Variants in CIAO3 observed in about 807,000 individuals in gnomAD.
CIAO3 encodes the protein cytosolic iron-sulfur assembly component 3.
In CIAO3, 45 loss-of-function variants were observed where a neutral mutation model predicts 51.5. That is an observed-to-expected ratio of 0.87 (90% CI 0.69 to 1.12). CIAO3 has a LOEUF of 1.12. Among genes scored for constraint, CIAO3 ranks in the 50% most tolerant of loss-of-function variants. The pLI is 0.00. For missense variants in CIAO3, 668 were observed against 632.5 expected (o/e 1.06, Z -0.60); for synonymous variants, 314 against 269.3 (o/e 1.17, Z -1.63).
intron 5 of CIAO3, 95 bp downstream of exon 5, chr16:734,642 C>T: frequency 1.9e-6 from 3 of 1,600,936 alleles, no homozygotes; most frequent in Non-Finnish European, 8.5e-7. Flanking sequence ...GCGTCTCCAC[C>T]CCCCATGCCC....
At chr16:732,515 A>G in intron 7 of CIAO3, 142 bp from the exon 8 acceptor site, 1 of 947,750 alleles carries the variant, frequency 1.1e-6, no homozygotes, top group Non-Finnish European at 1.6e-6. Flanking sequence ...CGTGGTGGGG[A>G]GGCCAGGCCC....
chr16:732,981 C>G, intron 7 of CIAO3: 2 of 365,038 alleles, frequency 5.5e-6, no homozygotes. Flanking sequence ...TGGGGCTGCT[C>G]GACTCAGGAA....
In CIAO3 at chr16:736,305, C is replaced by CT. The variant is rs749635739; in HGVS notation, c.399dup (p.Asp134ArgfsTer11). On this transcript the variant is annotated frameshift_variant, in exon 4 of 11. Coordinates refer to ENST00000251588, the MANE Select transcript of CIAO3 (RefSeq NM_022493.3). LOFTEE classifies it high-confidence loss of function. ...AATGAGGTTAATTTCCTGGCAGTATCTGTAGGATTCAGCTGAAACCGTGCA... is the reference window on the plus strand; with the variant it reads ...AATGAGGTTAATTTCCTGGCAGTATCTTGTAGGATTCAGCTGAAACCGTGCA... The CT allele has an allele frequency of 6.2e-7, 1 of 1,613,054 alleles. No individual in the cohort carries two copies. The highest frequency in any genetic ancestry group is 8.5e-7 in the Non-Finnish European group (1 of 1,179,822).
Position 730,848 on chromosome 16 carries a change from G to A in CIAO3, c.1187C>T (p.Pro396Leu), listed in dbSNP as rs2041270292. ...PYHYVEVMAC[P>L]SGCLNGGGQL... ...CTGTCCCTTGCAGGAGCTACCTGAG[G>A]GGCAGGCCATGACCTCCACGTAGTG... The change falls in exon 10 of 11, where the codon CCC (proline) becomes CTC (leucine). Residue 396 changes from proline (P) to leucine (L), a missense_variant. By Grantham distance (98) the Pro-to-Leu change is moderately conservative. Coordinates refer to ENST00000251588, the MANE Select transcript of CIAO3 (RefSeq NM_022493.3). 6.2e-7 allele frequency: 1 copy of A among 1,612,666 alleles called. No homozygotes were observed. Among genetic ancestry groups the A allele is most frequent in the Non-Finnish European group, 8.5e-7 (1 of 1,179,962 alleles).
At chr16:731,087 G>A (rs2041274388) in intron 9 of CIAO3, 87 bp from the exon 10 acceptor site, 4 of 1,542,036 alleles carry the variant, frequency 2.6e-6, no homozygotes, top group East Asian at 2.3e-5. Context: ...GGCTTCAGGG[G>A]ATGACCGGGT....
chr16:734,913 C>A lies in CIAO3; in HGVS notation c.440-42G>T, dbSNP rs78997491. 18 of 1,510,234 alleles carry A rather than the reference C, an allele frequency of 1.2e-5. No individual in the cohort carries two copies. In the Middle Eastern group the frequency reaches 1.3e-3, roughly 108 times the overall value. 93.6% of individuals were successfully genotyped at this position (1,510,234 alleles called of 1,614,324 possible). On this transcript the variant is annotated intron_variant, in intron 4 of 10. Transcript: ENST00000251588. ...GGTGCCTGGTTAACCCCATGCGGGA[C>A]GCCCACACGAGCACACGCCGGCGTG... is the stretch of plus-strand genomic sequence containing the variant.
intron 1 of CIAO3, chr16:740,142 A>T: frequency 1.6e-6 from 2 of 1,289,790 alleles, no homozygotes; most frequent in Non-Finnish European, 2.0e-6. Context: ...CCCGGGAAAC[A>T]AGTGGATTTC....
chr16:736,207 G>A, intron 4 of CIAO3, 59 bp downstream of exon 4: 2 of 1,606,454 alleles, frequency 1.2e-6, no homozygotes, highest in Non-Finnish European at 1.7e-6. Context: ...AGGGGCCTGG[G>A]CTTACTCAGA....
At chr16:735,140 C>T in intron 4 of CIAO3, 1 of 445,922 alleles carries the variant, frequency 2.2e-6, no homozygotes, top group Non-Finnish European at 4.0e-6. Flanking sequence ...CACCCAGCAG[C>T]TCAGTCCTCC....
rs1475581569 is a variant in CIAO3, at chr16:736,267, T to C, written c.438A>G (p.Ile146Met). 4 of 1,612,552 alleles carry C rather than the reference T, an allele frequency of 2.5e-6. No homozygotes were observed. Among genetic ancestry groups the C allele is most frequent in the Non-Finnish European group, 3.4e-6 (4 of 1,179,714 alleles). ...ARKLTSFFKK[I>M]GVHFVFDTAF... ...TGTTACCCCAGGTTCAAAGCCTACC[T>C]ATTTTTTTAAAGAATGAGGTTAATT... The change falls in exon 4 of 11, where the codon ATA (isoleucine) becomes ATG (methionine). Residue 146 changes from isoleucine to methionine, a missense_variant and splice_region_variant. By Grantham distance (10) the Ile-to-Met change is conservative. Coordinates refer to ENST00000251588, the MANE Select transcript of CIAO3 (RefSeq NM_022493.3).
intron 8 of CIAO3, 106 bp from the exon 9 acceptor site, chr16:731,808 G>A: frequency 3.6e-6 from 5 of 1,384,464 alleles, no homozygotes; most frequent in South Asian, 1.6e-5. Flanking sequence ...CCAGGTGGGA[G>A]ACAAGTCACA....
intron 6 of CIAO3, chr16:733,646 T>C (rs915549303): frequency 1.6e-6 from 1 of 617,942 alleles, no homozygotes; most frequent in Middle Eastern, 4.7e-4. Context: ...CCAGTGTGCC[T>C]GCGCTCCCTA....
Position 730,557 on chromosome 16 carries a change from C to T in CIAO3, c.1291G>A (p.Ala431Thr). 5 of 1,611,026 alleles carry T rather than the reference C, an allele frequency of 3.1e-6. No individual in the cohort carries two copies. The highest frequency in any genetic ancestry group is 4.2e-6 in the Non-Finnish European group (5 of 1,179,990). The change falls in exon 11 of 11, where the codon GCG becomes ACG. Residue 431 changes from alanine to threonine, a missense_variant. Physicochemically the swap from Ala to Thr is moderately conservative, Grantham distance 58. Coordinates refer to ENST00000251588, the MANE Select transcript of CIAO3 (RefSeq NM_022493.3). The part of the protein sequence containing the change: ...ERLYGMVRAE[A>T]PEDAPGVQEL... ...TGAACCCCAGGCGCGTCCTCGGGCG[C>T]CTCAGCCCGGACCATGCCGTACAGT...
At chr16:734,113 G>C (rs1248846609) in intron 6 of CIAO3, 116 bp downstream of exon 6, 2 of 899,860 alleles carry the variant, frequency 2.2e-6, no homozygotes, top group Admixed American at 1.8e-5. Flanking sequence ...GGTGTGCTGG[G>C]GAAGGCCGCA....
rs762779774 is a variant in CIAO3 at position 733,313 on chromosome 16, A to G, written c.808T>C (p.Cys270Arg). Residue 270 changes from cysteine (C) to arginine (R), a missense_variant, in exon 7 of 11, where the codon TGT (cysteine) becomes CGT (arginine). Cys to Arg is a radical substitution (Grantham distance 180, BLOSUM62 -3). Transcript: ENST00000251588. Reference protein sequence around the residue: ...NQEHQTRDVDCVLTTGEVFRL... With the variant: ...NQEHQTRDVDRVLTTGEVFRL... ...GTGACCGCACCTGTTGTGAGGACAC[A>G]GTCCACATCCCGTGTCTGGTGCTCC... 4.3e-6 allele frequency: 7 copies of G among 1,613,670 alleles called. No individual in the cohort carries two copies. Among genetic ancestry groups the G allele is most frequent in the Non-Finnish European group, 5.9e-6 (7 of 1,179,976 alleles).
At chr16:733,021 G>A in intron 7 of CIAO3, 3 of 439,308 alleles carry the variant, frequency 6.8e-6, no homozygotes, top group East Asian at 8.9e-5. Flanking sequence ...TGAAGAGGCT[G>A]CATTCGAGAA....
Position 731,669 on chromosome 16 carries a change from G to T in CIAO3, c.930C>A (p.Ser310Arg). Residue 310 changes from serine to arginine, a missense_variant, in exon 9 of 11, where the codon AGC becomes AGA. Physicochemically the swap from Ser to Arg is moderately radical, Grantham distance 110. Coordinates refer to ENST00000251588, the MANE Select transcript of CIAO3 (RefSeq NM_022493.3). ...AGCCCCCCGAGCCCCCTCCCCGATG[G>T]CTGGTGGGCTCCTCTGCAGAGGCAC... ...CSGASAEEPT[S>R]HRGGGSGGYL... The T allele has an allele frequency of 6.4e-7, 1 of 1,558,138 alleles. No homozygotes were observed. Among genetic ancestry groups the T allele is most frequent in the Non-Finnish European group, 8.7e-7 (1 of 1,152,320 alleles).
chr16:736,655 C>T (rs574548163), intron 3 of CIAO3, among the ~76,000 whole-genome samples: 40 of 152,200 alleles, frequency 2.6e-4, no homozygotes, highest in African/African-American at 8.7e-4. Flanking sequence ...CGTGAACCAC[C>T]GTGCCTGGCC....
chr16:731,115 C>A, intron 9 of CIAO3, 115 bp from the exon 10 acceptor site: 1 of 1,350,936 alleles, frequency 7.4e-7, no homozygotes, highest in East Asian at 2.4e-5. Context: ...AGGGCTCTCT[C>A]CCTCTCTCCT....
Sources: allele counts gnomAD v4.1 joint callset (sites outside exome capture counted in the v4.1 genomes callset), GRCh38; gene constraint gnomAD v4.1.1; transcripts MANE v1.5; gene names NCBI Gene and HGNC (gene_info 2026-07-23, HGNC 2026-07-21).